Variants in TXNRD1 observed in about 807,000 individuals in gnomAD.
TXNRD1 encodes the protein thioredoxin reductase 1, cytoplasmic.
Under a neutral mutation model 80.3 loss-of-function variants are expected in TXNRD1, and 57 were observed. The observed-to-expected ratio is 0.71, with a 90% CI of 0.57 to 0.89. The LOEUF (loss-of-function observed/expected upper bound fraction) is 0.89. TXNRD1 is among the 40% of genes least tolerant of loss of function. TXNRD1 has a pLI of 0.00. For synonymous variants in TXNRD1, 291 were observed against 285.2 expected, an observed-to-expected ratio of 1.02 and a Z score of -0.20; for missense variants, 730 against 803.0, an observed-to-expected ratio of 0.91 and a Z score of 1.10.
chr12:104,304,402 G>A (rs1335446287), intron 4 of TXNRD1: 1 of 1,614,000 alleles, frequency 6.2e-7, no homozygotes, highest in Admixed American at 1.7e-5. Context: ...CAATAGAAAA[G>A]GAAGCAACAT....
intron 14 of TXNRD1, among the ~76,000 whole-genome samples, chr12:104,332,855 A>G (rs370159875): frequency 6.6e-6 from 1 of 151,456 alleles, no homozygotes; most frequent in South Asian, 2.1e-4. Flanking sequence ...GATAACTGCT[A>G]TTAATATTTT....
chr12:104,267,707 T>TC (rs1565870322), intron 3 of TXNRD1, among the ~76,000 whole-genome samples: 4 of 61,196 alleles, frequency 6.5e-5, no homozygotes, highest in Admixed American at 1.8e-4. Context: ...CTTTCTCTCT[T>TC]TCTTTCTTTC....
In TXNRD1 at chr12:104,348,573, T is replaced by A. The variant is rs530265669; in HGVS notation, c.*152T>A. 21 of 654,234 alleles carry A rather than the reference T, an allele frequency of 3.2e-5. No individual in the cohort carries two copies. The African/African-American group carries it at 3.8e-4, about 12-fold the overall frequency. 40.5% of individuals were successfully genotyped at this position (654,234 alleles called of 1,614,324 possible). A position where few individuals can be genotyped will look rare whatever the true frequency, so the allele number is the denominator to read the frequency against. ...CCAAGGCCCCCTTGGATCTCTTGGATAGGAGTTGGTGAATAGAAGGCAGGC... is the reference window on the plus strand; with the variant it reads ...CCAAGGCCCCCTTGGATCTCTTGGAAAGGAGTTGGTGAATAGAAGGCAGGC... On this transcript the variant is annotated 3_prime_UTR_variant, in exon 17 of 17. Transcript: ENST00000525566.
In TXNRD1 at chr12:104,331,538, A is replaced by C; in HGVS notation, c.1547A>C (p.Asp516Ala). 2 of 1,603,650 alleles carry C rather than the reference A, an allele frequency of 1.2e-6. No homozygotes were observed. Among genetic ancestry groups the C allele is most frequent in the Non-Finnish European group, 1.7e-6 (2 of 1,172,952 alleles). The part of the protein sequence containing the change: ...RLYAGSTVKC[D>A]YENVPTTVFT... ...CTTACCTCCATTTTTAAACAGTGTG[A>C]CTATGAAAATGTTCCAACCACTGTA... Residue 516 changes from aspartate (D) to alanine (A), a missense_variant, in exon 14 of 17, where the codon GAC becomes GCC. Physicochemically the swap from Asp to Ala is moderately radical, Grantham distance 126. Transcript: ENST00000525566.
At chr12:104,321,708 T>A (rs2035537816) in intron 10 of TXNRD1, among the ~76,000 whole-genome samples, 1 of 152,198 alleles carries the variant, frequency 6.6e-6, no homozygotes, top group African/African-American at 2.4e-5. Context: ...CATTTCCCCT[T>A]GGTATATGAT....
At chr12:104,293,529 C>T (rs2034303294) in intron 4 of TXNRD1, among the ~76,000 whole-genome samples, 1 of 152,136 alleles carries the variant, frequency 6.6e-6, no homozygotes, top group African/African-American at 2.4e-5. Context: ...TGGCTCATTG[C>T]AACCTTCGCC....
chr12:104,288,991 TTG>T lies in TXNRD1; in HGVS notation c.369_370del (p.Phe124CysfsTer31). The T allele has an allele frequency of 6.2e-7, 1 of 1,614,006 alleles. No homozygotes were observed. The highest frequency in any genetic ancestry group is 8.5e-7 in the Non-Finnish European group (1 of 1,179,882). On this transcript the variant is annotated frameshift_variant, in exon 4 of 17. Coordinates refer to ENST00000525566, the MANE Select transcript of TXNRD1 (RefSeq NM_001093771.3). LOFTEE classifies it high-confidence loss of function. ...TTGGCCGCGGAAACCGATCTGCCCG[TTG>T]TGTTTGTGAAACAGAGAAAGATAGG...
chr12:104,226,721 G>A (rs1446396416), intron 1 of TXNRD1, among the ~76,000 whole-genome samples: 1 of 152,196 alleles, frequency 6.6e-6, no homozygotes, highest in Non-Finnish European at 1.5e-5. Flanking sequence ...CTCTCAAGCT[G>A]TAAAATTCTG....
At chr12:104,314,038 T>C (rs35154351) in intron 6 of TXNRD1, among the ~76,000 whole-genome samples, 1 of 152,302 alleles carries the variant, frequency 6.6e-6, no homozygotes, top group African/African-American at 2.4e-5. Flanking sequence ...TCCAGGCAGC[T>C]TCTCTTTCTT....
At chr12:104,346,183 A>G in intron 16 of TXNRD1, 1 of 312,834 alleles carries the variant, frequency 3.2e-6, no homozygotes, top group South Asian at 2.9e-5. Flanking sequence ...CAGCTAATAT[A>G]TATATATATA....
intron 14 of TXNRD1, among the ~76,000 whole-genome samples, chr12:104,333,686 A>G (rs1421255268): frequency 6.6e-6 from 1 of 152,022 alleles, no homozygotes; most frequent in East Asian, 1.9e-4. Flanking sequence ...ATTAGTAAGG[A>G]TGCTGTCGTT....
chr12:104,231,124 T>C (rs1033332652), intron 1 of TXNRD1, among the ~76,000 whole-genome samples: 3 of 152,168 alleles, frequency 2.0e-5, no homozygotes, highest in Non-Finnish European at 4.4e-5. Flanking sequence ...GGAGCTGCTT[T>C]AAAAGAAACG....
intron 1 of TXNRD1, among the ~76,000 whole-genome samples, chr12:104,228,370 C>G (rs897147512): frequency 2.0e-5 from 3 of 151,138 alleles, no homozygotes; most frequent in South Asian, 2.1e-4. Flanking sequence ...TGGTGGCTTA[C>G]TCCTGTAATC....
intron 13 of TXNRD1, among the ~76,000 whole-genome samples, chr12:104,328,489 G>A (rs541263787): frequency 7.7e-4 from 117 of 152,252 alleles, no homozygotes; most frequent in African/African-American, 2.6e-3. Context: ...AGGTGCGTTG[G>A]CTCATGCCTG....
At chr12:104,287,169 G>A (rs531820550) in intron 3 of TXNRD1, 11 of 1,571,320 alleles carry the variant, frequency 7.0e-6, no homozygotes, top group African/African-American at 5.4e-5. Flanking sequence ...GGAGCACGCG[G>A]GGGACGGCCT....
At chr12:104,318,692 A>C (rs1179672977) in intron 7 of TXNRD1, among the ~76,000 whole-genome samples, 1 of 152,236 alleles carries the variant, frequency 6.6e-6, no homozygotes, top group South Asian at 2.1e-4. Context: ...TTTTAGTTTA[A>C]AATTGTCAGG....
intron 3 of TXNRD1, chr12:104,287,053 C>T: frequency 2.1e-6 from 3 of 1,406,614 alleles, no homozygotes; most frequent in South Asian, 1.5e-5. Flanking sequence ...TGCAGCAGAG[C>T]GAAAGGTGGT....
chr12:104,235,158 G>A (rs566714526), intron 1 of TXNRD1, among the ~76,000 whole-genome samples: 2 of 152,296 alleles, frequency 1.3e-5, no homozygotes, highest in Admixed American at 6.5e-5. Flanking sequence ...AGAGCACACT[G>A]AACAAAGGAG....
chr12:104,261,633 G>A (rs937098884), intron 3 of TXNRD1, among the ~76,000 whole-genome samples: 8 of 152,132 alleles, frequency 5.3e-5, no homozygotes, highest in African/African-American at 1.9e-4. Flanking sequence ...ATTTACTTCT[G>A]CCAAAACAAC....
Sources: gnomAD v4.1 joint callset for allele counts (sites outside exome capture counted in the v4.1 genomes callset) on GRCh38, gnomAD v4.1.1 for gene constraint, MANE v1.5 for transcripts, NCBI Gene and HGNC (gene_info 2026-07-23, HGNC 2026-07-21) for gene names.